The following CDH12 variants were observed in gnomAD, a reference collection of about 807,000 sequenced individuals.
CDH12 encodes the protein cadherin-12.
A neutral mutation model predicts 74.1 loss-of-function variants in CDH12; 41 were observed. The ratio of observed to expected loss-of-function variants is 0.55; its 90% CI spans 0.43 to 0.72. CDH12 has a LOEUF of 0.72. Among genes scored for constraint, CDH12 ranks in the 30% least tolerant of loss-of-function variants. The pLI is 0.00. For synonymous variants in CDH12, 399 were observed against 355.0 expected (o/e 1.12, Z -1.39); for missense variants, 945 against 977.2 (o/e 0.97, Z 0.44).
rs188089013 is a variant in CDH12, at chr5:22,336,752, C to G, written c.-333+68505G>C. ...CAGAAGTTTGCTGCAGGGGTGGGGC[C>G]CTCATGAAGAACCTCTGCTAGGGCA... On this transcript the variant is annotated intron_variant, in intron 3 of 14. Coordinates refer to ENST00000382254, the MANE Select transcript of CDH12 (RefSeq NM_004061.5). Among the ~76,000 whole-genome samples the G allele has an allele frequency of 1.8e-4, 27 of 152,326 alleles. No individual in the cohort carries two copies. In the East Asian group the frequency reaches 4.3e-3, roughly 24 times the overall value.
At chr5:21,839,649 G>T (rs1749728910) in intron 8 of CDH12, among the ~76,000 whole-genome samples, 1 of 152,100 alleles carries the variant, frequency 6.6e-6, no homozygotes, top group African/African-American at 2.4e-5. Flanking sequence ...TATAGCCAAA[G>T]GAATAAATAA....
intron 4 of CDH12, among the ~76,000 whole-genome samples, chr5:22,120,444 G>T (rs904192466): frequency 1.3e-5 from 2 of 152,010 alleles, no homozygotes; most frequent in African/African-American, 4.8e-5. Flanking sequence ...AAAAGCAATT[G>T]GTTATTCAAG....
At chr5:22,137,969 G>T (rs1746556797) in intron 4 of CDH12, among the ~76,000 whole-genome samples, 1 of 152,000 alleles carries the variant, frequency 6.6e-6, no homozygotes, top group African/African-American at 2.4e-5. Context: ...AGAAAAACAT[G>T]GTCTTGGAGG....
At chr5:22,241,236 CT>C (rs946318767) in intron 3 of CDH12, among the ~76,000 whole-genome samples, 6 of 151,954 alleles carry the variant, frequency 3.9e-5, no homozygotes, top group African/African-American at 7.2e-5. Flanking sequence ...TATAAATACA[CT>C]TTTTTTCCCA....
intron 5 of CDH12, among the ~76,000 whole-genome samples, chr5:22,075,534 TTA>T (rs1285367473): frequency 6.6e-6 from 1 of 152,154 alleles, no homozygotes; most frequent in African/African-American, 2.4e-5. Flanking sequence ...CTGATTTTCT[TTA>T]TGACATTTTC....
At chr5:21,817,840 C>T (rs1748149430) in intron 8 of CDH12, among the ~76,000 whole-genome samples, 1 of 151,760 alleles carries the variant, frequency 6.6e-6, no homozygotes, top group South Asian at 2.1e-4. Flanking sequence ...AAGTAAAATG[C>T]TTATTTTTAC....
At position 22,835,183 on chromosome 5, in the gene CDH12, A is replaced by T. The variant is rs75313395; in HGVS notation, c.-523+17875T>A. ...ATATGAACCTATTTGTCATATCATG[A>T]TTATTTTTATATTAATGTCTACACT... On this transcript the variant is annotated intron_variant, in intron 1 of 14. Transcript: ENST00000382254. Among the ~76,000 whole-genome samples, 28 of 151,778 alleles carry T rather than the reference A, an allele frequency of 1.8e-4. No homozygotes were observed. The East Asian group carries it at 5.4e-3, about 29-fold the overall frequency.
chr5:22,158,546 T>C (rs1748158133), intron 4 of CDH12, among the ~76,000 whole-genome samples: 1 of 151,962 alleles, frequency 6.6e-6, no homozygotes, highest in Non-Finnish European at 1.5e-5. Flanking sequence ...CAGGAGCAAA[T>C]AAAAAGCTGA....
At chr5:21,822,247 A>G (rs111682844) in intron 8 of CDH12, among the ~76,000 whole-genome samples, 1 of 28,316 alleles carries the variant, frequency 3.5e-5, no homozygotes, top group Admixed American at 4.7e-4. Context: ...TAATATTTGT[A>G]TATAATATTT....
intron 11 of CDH12, among the ~76,000 whole-genome samples, chr5:21,778,652 CAGTTAT>C (rs879579954): frequency 6.6e-6 from 1 of 151,692 alleles, no homozygotes; most frequent in Non-Finnish European, 1.5e-5. Flanking sequence ...ATAATTTGCA[CAGTTAT>C]TACTTACCAA....
intron 3 of CDH12, among the ~76,000 whole-genome samples, chr5:22,245,306 T>C (rs1281239163): frequency 6.6e-6 from 1 of 152,100 alleles, no homozygotes; most frequent in Non-Finnish European, 1.5e-5. Flanking sequence ...TGAAGATGGC[T>C]TTGAGCAGCA....
chr5:21,837,932 C>G (rs1162072436), intron 8 of CDH12, among the ~76,000 whole-genome samples: 1 of 152,106 alleles, frequency 6.6e-6, no homozygotes, highest in Non-Finnish European at 1.5e-5. Flanking sequence ...CAGTGATCTC[C>G]TTGATAGATT....
intron 4 of CDH12, among the ~76,000 whole-genome samples, chr5:22,123,913 T>C (rs1745670476): frequency 6.6e-6 from 1 of 152,030 alleles, no homozygotes; most frequent in African/African-American, 2.4e-5. Context: ...TTATTTCGTT[T>C]CCTTGAGTTT....
intron 1 of CDH12, among the ~76,000 whole-genome samples, chr5:22,677,181 C>T (rs976603874): frequency 1.7e-4 from 26 of 152,070 alleles, no homozygotes; most frequent in African/African-American, 6.3e-4. Context: ...ACCCTGACCC[C>T]TAATCATAAA....
chr5:22,663,317 C>T (rs1740442599), intron 1 of CDH12, among the ~76,000 whole-genome samples: 1 of 152,128 alleles, frequency 6.6e-6, no homozygotes, highest in South Asian at 2.1e-4. Context: ...CCGAGGAGGA[C>T]TACCTTAGTA....
chr5:22,763,760 C>T (rs75173218), intron 1 of CDH12, among the ~76,000 whole-genome samples: 2,053 of 151,980 alleles, frequency 0.014, 41 homozygotes, highest in African/African-American at 0.047. Context: ...CATCTTCATT[C>T]TAAGCACTGA....
At chr5:22,484,927 T>C (rs1746527502) in intron 2 of CDH12, among the ~76,000 whole-genome samples, 1 of 152,118 alleles carries the variant, frequency 6.6e-6, no homozygotes, top group Non-Finnish European at 1.5e-5. Flanking sequence ...GAGTATATAA[T>C]TACATAGTCA....
chr5:21,751,557 ATTAAT>A lies in CDH12; in HGVS notation c.*175_*179del, dbSNP rs1430444076. 6 of 593,806 alleles carry A rather than the reference ATTAAT, an allele frequency of 1.0e-5. No homozygotes were observed. In the Admixed American group the frequency reaches 1.9e-4, roughly 19 times the overall value. 36.8% of individuals were successfully genotyped at this position (593,806 alleles called of 1,614,324 possible). On this transcript the variant is annotated 3_prime_UTR_variant, in exon 15 of 15. Coordinates refer to ENST00000382254, the MANE Select transcript of CDH12 (RefSeq NM_004061.5). ...AGAATAAACCAAAACTGACAATATG[ATTAAT>A]TTAGTAACTTACTAGAAACCAGGTA... is the stretch of plus-strand genomic sequence containing the variant.
At chr5:22,406,624 ATT>A (rs1742951141) in intron 2 of CDH12, among the ~76,000 whole-genome samples, 1 of 152,172 alleles carries the variant, frequency 6.6e-6, no homozygotes, top group Non-Finnish European at 1.5e-5. Flanking sequence ...TGAAAAGCCA[ATT>A]ACATGCAAAA....
Sources: allele counts gnomAD v4.1 joint callset (sites outside exome capture counted in the v4.1 genomes callset), GRCh38; gene constraint gnomAD v4.1.1; transcripts MANE v1.5; gene names NCBI Gene and HGNC (gene_info 2026-07-23, HGNC 2026-07-21).